Variants in MMP20 observed in about 807,000 individuals in gnomAD.
MMP20 encodes the protein matrix metalloproteinase-20.
MMP20 carries 50 observed loss-of-function variants against 51.8 expected under a neutral mutation model. The ratio of observed to expected loss-of-function variants is 0.97; its 90% CI spans 0.77 to 1.22. The LOEUF is 1.22. Among genes scored for constraint, MMP20 ranks in the 50% most tolerant of loss-of-function variants. The probability of loss-of-function intolerance (pLI) is 0.00; values close to 1 mark genes in which losing one functional copy is unlikely to be tolerated. For missense variants in MMP20, 663 were observed against 601.4 expected, an observed-to-expected ratio of 1.10 and a Z score of -1.07; for synonymous variants, 244 against 216.2, an observed-to-expected ratio of 1.13 and a Z score of -1.13.
chr11:102,596,541 A>T (rs1859382666), intron 6 of MMP20, among the ~76,000 whole-genome samples: 1 of 152,236 alleles, frequency 6.6e-6, no homozygotes, highest in South Asian at 2.1e-4. Context: ...AAAAGGTATT[A>T]TTTGCTTAGG....
intron 1 of MMP20, among the ~76,000 whole-genome samples, chr11:102,617,782 C>G (rs1859693520): frequency 6.6e-6 from 1 of 152,200 alleles, no homozygotes; most frequent in Non-Finnish European, 1.5e-5. Context: ...GTTCAAAACA[C>G]TTTTCTATGA....
chr11:102,607,476 G>A, intron 5 of MMP20: 1 of 152,908 alleles, frequency 6.5e-6, no homozygotes. Context: ...AAGGAATGAG[G>A]CACAGGGAAG....
At position 102,625,195 on chromosome 11, in the gene MMP20, T is replaced by C. The variant is rs1859805927; in HGVS notation, c.125A>G (p.Gln42Arg). Reference protein sequence around the residue: ...RTWRNNYRLAQAYLDKYYTNK... With the variant: ...RTWRNNYRLARAYLDKYYTNK... The stretch of plus-strand genomic sequence containing the variant: ...GGAATTGGGCAAAAATTCACAAACC[T>C]GTGCGAGGCGGTAGTTGTTCCTCCA... The change falls in exon 1 of 10, where the codon CAG (glutamine) becomes CGG (arginine). Residue 42 changes from glutamine (Q) to arginine (R), a missense_variant and splice_region_variant. By Grantham distance (43) the Gln-to-Arg change is conservative. Coordinates refer to ENST00000260228, the MANE Select transcript of MMP20 (RefSeq NM_004771.4). 3 of 1,613,674 alleles carry C rather than the reference T, an allele frequency of 1.9e-6. No homozygotes were observed. Among genetic ancestry groups the C allele is most frequent in the Non-Finnish European group, 2.5e-6 (3 of 1,179,896 alleles).
At chr11:102,587,755 T>C (rs1368064770) in intron 8 of MMP20, among the ~76,000 whole-genome samples, 1 of 152,184 alleles carries the variant, frequency 6.6e-6, no homozygotes, top group Non-Finnish European at 1.5e-5. Flanking sequence ...GATAATAGTA[T>C]AGCCATTCAA....
intron 6 of MMP20, among the ~76,000 whole-genome samples, chr11:102,600,987 T>G (rs1363609815): frequency 6.6e-6 from 1 of 152,130 alleles, no homozygotes; most frequent in Non-Finnish European, 1.5e-5. Flanking sequence ...CCACAGGGGT[T>G]TTGTCTCTGA....
chr11:102,593,397 T>G (rs559285776), intron 8 of MMP20, 42 bp downstream of exon 8: 2 of 1,591,046 alleles, frequency 1.3e-6, no homozygotes, highest in Non-Finnish European at 1.7e-6. Flanking sequence ...AAAATCATTC[T>G]CATTAAATAA....
chr11:102,596,845 G>T (rs149920911), intron 6 of MMP20, among the ~76,000 whole-genome samples: 1,936 of 152,268 alleles, frequency 0.013, 18 homozygotes, highest in Non-Finnish European at 0.022. Flanking sequence ...TTTTCTGAAG[G>T]CCAGAGGGAC....
At chr11:102,597,978 G>A (rs1416740618) in intron 6 of MMP20, among the ~76,000 whole-genome samples, 1 of 114,874 alleles carries the variant, frequency 8.7e-6, no homozygotes, top group Non-Finnish European at 2.0e-5. Context: ...TGTTGGTCAG[G>A]CTGGTCTCGA....
chr11:102,620,809 T>C lies in MMP20; in HGVS notation c.127-3750A>G, dbSNP rs147293950. Among the ~76,000 whole-genome samples, 1,029 of 152,298 alleles carry C rather than the reference T, an allele frequency of 6.8e-3. 17 individuals carry two copies. The highest frequency in any genetic ancestry group is 0.024 in the African/African-American group (980 of 41,556). On this transcript the variant is annotated intron_variant, in intron 1 of 9. Transcript: ENST00000260228. ...ATCAGGTTTGGGGCCACGACTACAC[T>C]AAATGTCATTCTCAGTGTCAGGTTC...
At chr11:102,599,012 CTT>C (rs3046928) in intron 6 of MMP20, among the ~76,000 whole-genome samples, 65,343 of 127,882 alleles carry the variant, frequency 0.51, 16,103 homozygotes, top group South Asian at 0.65. Flanking sequence ...TTTCTTCTAT[CTT>C]TTTTTTTTTT....
intron 8 of MMP20, among the ~76,000 whole-genome samples, chr11:102,592,368 G>C (rs1440163196): frequency 6.6e-6 from 1 of 152,186 alleles, no homozygotes; most frequent in African/African-American, 2.4e-5. Context: ...TGGCCCAGAA[G>C]AGTCAGCAGA....
chr11:102,624,073 G>A (rs1031672333), intron 1 of MMP20, among the ~76,000 whole-genome samples: 17 of 152,226 alleles, frequency 1.1e-4, no homozygotes, highest in African/African-American at 3.9e-4. Flanking sequence ...TTAATGACTG[G>A]TATGGCCGGG....
At chr11:102,616,661 G>T (rs1407960644) in intron 2 of MMP20, 151 bp downstream of exon 2, 3 of 1,012,220 alleles carry the variant, frequency 3.0e-6, no homozygotes, top group South Asian at 1.6e-5. Context: ...CATTGTCATT[G>T]CCTGACGGAT....
At chr11:102,602,676 A>G (rs982052502) in intron 6 of MMP20, among the ~76,000 whole-genome samples, 2 of 152,154 alleles carry the variant, frequency 1.3e-5, no homozygotes, top group Admixed American at 1.3e-4. Flanking sequence ...GCTGAGGCTA[A>G]AAGACCTGTG....
chr11:102,584,192 T>G (rs923233963), intron 8 of MMP20, among the ~76,000 whole-genome samples: 13 of 152,208 alleles, frequency 8.5e-5, no homozygotes, highest in African/African-American at 3.1e-4. Context: ...TTCAATTTTT[T>G]GAGGAGCAGG....
At position 102,577,433 on chromosome 11, in the gene MMP20, G is replaced by C. The variant is rs1292135343; in HGVS notation, c.1352-7C>G. On this transcript the variant is annotated splice_polypyrimidine_tract_variant and splice_region_variant and intron_variant, in intron 9 of 9. Transcript: ENST00000260228. Reference sequence around the variant, plus strand: ...GAAAAGAAGTAAATGTAGCCTAAAAGAGACAAAGTTGAAATTGGGTTACTG... The same window carrying C: ...GAAAAGAAGTAAATGTAGCCTAAAACAGACAAAGTTGAAATTGGGTTACTG... 3 of 1,599,354 alleles carry C rather than the reference G, an allele frequency of 1.9e-6. No homozygotes were observed. Among genetic ancestry groups the C allele is most frequent in the Non-Finnish European group, 2.6e-6 (3 of 1,166,764 alleles).
In MMP20 at chr11:102,625,255, G is replaced by T; in HGVS notation, c.65C>A (p.Ala22Glu). 1 of 1,613,918 alleles carries T rather than the reference G, an allele frequency of 6.2e-7. No homozygotes were observed. The highest frequency in any genetic ancestry group is 1.1e-5 in the South Asian group (1 of 91,078). Reference sequence around the variant, plus strand: ...GGAGGCTGCAACTAGGGAGGGGGCTGCAGTGGAAAACTTCAAAGCCATGAT... The same window carrying T: ...GGAGGCTGCAACTAGGGAGGGGGCTTCAGTGGAAAACTTCAAAGCCATGAT... ...FLIMALKFST[A>E]APSLVAASPR... The change falls in exon 1 of 10, where the codon GCA (alanine) becomes GAA (glutamate). Residue 22 changes from alanine to glutamate, a missense_variant. Physicochemically the swap from Ala to Glu is moderately radical, Grantham distance 107. Transcript: ENST00000260228.
Position 102,608,995 on chromosome 11 carries a change from C to T in MMP20, c.753G>A (p.Lys251=). The T allele has an allele frequency of 6.2e-7, 1 of 1,614,138 alleles. No homozygotes were observed. Among genetic ancestry groups the T allele is most frequent in the Non-Finnish European group, 8.5e-7 (1 of 1,180,004 alleles). ...SALMYPTYKY[K]NPYGFHLPKD... The stretch of plus-strand genomic sequence containing the variant: ...TGGGGAGGTGGAATCCATAGGGATT[C>T]TTGTACTTATAAGTTGGGTACATCA... The change falls in exon 5 of 10, where the codon AAG becomes AAA. Residue 251 remains lysine (K), a synonymous_variant. Coordinates refer to ENST00000260228, the MANE Select transcript of MMP20 (RefSeq NM_004771.4).
chr11:102,602,891 TTC>T (rs1859467088), intron 6 of MMP20, among the ~76,000 whole-genome samples: 4 of 152,216 alleles, frequency 2.6e-5, no homozygotes. Flanking sequence ...TTCCAGTCAT[TTC>T]TCTCTTATTT....
Sources: gnomAD v4.1 joint callset for allele counts (sites outside exome capture counted in the v4.1 genomes callset) on GRCh38, gnomAD v4.1.1 for gene constraint, MANE v1.5 for transcripts, NCBI Gene and HGNC (gene_info 2026-07-23, HGNC 2026-07-21) for gene names.